The following JAKMIP2 variants were observed in gnomAD, a reference collection of about 807,000 sequenced individuals.
JAKMIP2 encodes the protein janus kinase and microtubule interacting protein 2.
A neutral mutation model predicts 115.0 loss-of-function variants in JAKMIP2; 25 were observed. That is an observed-to-expected ratio of 0.22 (90% confidence interval 0.16 to 0.30). The LOEUF (loss-of-function observed/expected upper bound fraction) is 0.30, where lower values mean the gene tolerates loss of function less well. JAKMIP2 is among the 10% of genes least tolerant of loss of function. JAKMIP2 has a pLI of 1.00. For missense variants in JAKMIP2, 642 were observed against 957.6 expected (o/e 0.67, Z 4.35); for synonymous variants, 334 against 343.6 (o/e 0.97, Z 0.31).
At chr5:147,682,184 G>A (rs919380601) in intron 1 of JAKMIP2, among the ~76,000 whole-genome samples, 2 of 152,152 alleles carry the variant, frequency 1.3e-5, no homozygotes, top group Admixed American at 6.5e-5. Context: ...AAGACCTAGA[G>A]GTAAAAGAGA....
At chr5:147,688,392 T>A (rs1300112278) in intron 1 of JAKMIP2, among the ~76,000 whole-genome samples, 1 of 152,222 alleles carries the variant, frequency 6.6e-6, no homozygotes, top group Non-Finnish European at 1.5e-5. Flanking sequence ...ACAACATAGC[T>A]ATTGCATTGT....
chr5:147,679,249 G>A (rs1760135211), intron 1 of JAKMIP2, among the ~76,000 whole-genome samples: 1 of 152,062 alleles, frequency 6.6e-6, no homozygotes, highest in Admixed American at 6.6e-5. Flanking sequence ...CCAAAGTCCT[G>A]GAATTACAGG....
intron 1 of JAKMIP2, among the ~76,000 whole-genome samples, chr5:147,737,459 G>A (rs1435221174): frequency 7.2e-5 from 11 of 152,152 alleles, no homozygotes; most frequent in Admixed American, 6.5e-4. Context: ...GGTTGGAAAT[G>A]TTACACTGAG....
At chr5:147,645,615 T>G (rs1360413023) in intron 5 of JAKMIP2, among the ~76,000 whole-genome samples, 4 of 152,194 alleles carry the variant, frequency 2.6e-5, no homozygotes, top group East Asian at 1.9e-4. Context: ...ATGATTGTAT[T>G]GTTATCCACC....
intron 1 of JAKMIP2, among the ~76,000 whole-genome samples, chr5:147,773,934 C>A (rs1271665835): frequency 6.6e-6 from 1 of 152,084 alleles, no homozygotes; most frequent in African/African-American, 2.4e-5. Context: ...GCATTCCTTT[C>A]TACTTCATTT....
rs751197088 is a variant in JAKMIP2, at chr5:147,639,649, C to A, written c.1513G>T (p.Ala505Ser). Residue 505 changes from alanine to serine, a missense_variant, in exon 10 of 22, where the codon GCT (alanine) becomes TCT (serine). By Grantham distance (99) the Ala-to-Ser change is moderately conservative (BLOSUM62 1). Coordinates refer to ENST00000616793, the MANE Select transcript of JAKMIP2 (RefSeq NM_001270941.2). ...ACACTAACCTTGGCTTCTCGTTCAG[C>A]GTCGATGATGCCTCCCGTCTGCTCC... The part of the protein sequence containing the change: ...LQEQTGGIID[A>S]EREAKAQEQL... 4 of 1,613,024 alleles carry A rather than the reference C, an allele frequency of 2.5e-6. No homozygotes were observed. The highest frequency in any genetic ancestry group is 3.4e-6 in the Non-Finnish European group (4 of 1,179,552).
chr5:147,776,648 C>T (rs1345848389), intron 1 of JAKMIP2, among the ~76,000 whole-genome samples: 3 of 152,196 alleles, frequency 2.0e-5, no homozygotes, highest in Non-Finnish European at 4.4e-5. Flanking sequence ...ACAGGACAGG[C>T]TGGGCATGGT....
chr5:147,756,825 A>G (rs1754761387), intron 1 of JAKMIP2, among the ~76,000 whole-genome samples: 1 of 152,154 alleles, frequency 6.6e-6, no homozygotes, highest in Non-Finnish European at 1.5e-5. Flanking sequence ...AGAGAACAAA[A>G]CAGCAGAAGT....
intron 1 of JAKMIP2, among the ~76,000 whole-genome samples, chr5:147,689,427 TA>T (rs1336736111): frequency 6.6e-6 from 1 of 152,166 alleles, no homozygotes; most frequent in Non-Finnish European, 1.5e-5. Flanking sequence ...AGGGTGGAAT[TA>T]AGCGGACTGG....
At chr5:147,702,490 A>G (rs1740223533) in intron 1 of JAKMIP2, among the ~76,000 whole-genome samples, 2 of 146,776 alleles carry the variant, frequency 1.4e-5, no homozygotes. Context: ...AAGAGAAAAG[A>G]GGAAAGGAAA....
intron 19 of JAKMIP2, among the ~76,000 whole-genome samples, chr5:147,614,975 C>T (rs764349903): frequency 2.0e-5 from 3 of 152,190 alleles, no homozygotes; most frequent in Non-Finnish European, 4.4e-5. Flanking sequence ...ACCAGCCAAC[C>T]TAAAGTGGCC....
chr5:147,749,371 A>G (rs1312721400), intron 1 of JAKMIP2, among the ~76,000 whole-genome samples: 1 of 152,194 alleles, frequency 6.6e-6, no homozygotes, highest in Admixed American at 6.5e-5. Context: ...TCCTTATTTT[A>G]TAGAGGAAGA....
chr5:147,668,807 C>T (rs534581178), intron 2 of JAKMIP2, among the ~76,000 whole-genome samples: 13 of 152,358 alleles, frequency 8.5e-5, no homozygotes, highest in African/African-American at 2.4e-4. Flanking sequence ...TTATAACCTT[C>T]TCCAGGCCAG....
intron 10 of JAKMIP2, among the ~76,000 whole-genome samples, chr5:147,637,566 A>G (rs1358720625): frequency 6.6e-6 from 1 of 151,098 alleles, no homozygotes; most frequent in Non-Finnish European, 1.5e-5. Flanking sequence ...CAGCCTCCCA[A>G]ATAGCTTGGA....
At chr5:147,751,256 G>GTGT (rs1554084997) in intron 1 of JAKMIP2, among the ~76,000 whole-genome samples, 1 of 131,600 alleles carries the variant, frequency 7.6e-6, no homozygotes, top group African/African-American at 2.8e-5. Context: ...TTTTGTTGTT[G>GTGT]TTTTTTTTTT....
chr5:147,769,992 A>G (rs1408665890), intron 1 of JAKMIP2, among the ~76,000 whole-genome samples: 1 of 152,184 alleles, frequency 6.6e-6, no homozygotes, highest in Non-Finnish European at 1.5e-5. Flanking sequence ...AAAATTTCTC[A>G]TAAACTTACC....
In JAKMIP2 at chr5:147,589,064, C is replaced by G. The variant is rs1014268424; in HGVS notation, c.*2643G>C. 4 of 151,818 alleles carry G rather than the reference C, an allele frequency of 2.6e-5. No homozygotes were observed. The highest frequency in any genetic ancestry group is 9.7e-5 in the African/African-American group (4 of 41,302). The allele number at this position is 151,818 out of a possible 1,614,324, so 9.4% of individuals were successfully genotyped here. A position where few individuals can be genotyped will look rare whatever the true frequency, so the allele number is the denominator to read the frequency against. Reference sequence around the variant, plus strand: ...ACTCAAGTTGGCTAGTGTTGGGTCACCAACACTGTAGAGGCACCCTCTTTC... The same window carrying G: ...ACTCAAGTTGGCTAGTGTTGGGTCAGCAACACTGTAGAGGCACCCTCTTTC... On this transcript the variant is annotated 3_prime_UTR_variant, in exon 22 of 22. Coordinates refer to ENST00000616793, the MANE Select transcript of JAKMIP2 (RefSeq NM_001270941.2).
intron 9 of JAKMIP2, among the ~76,000 whole-genome samples, chr5:147,640,451 A>G: frequency 6.6e-6 from 1 of 152,326 alleles, no homozygotes; most frequent in East Asian, 1.9e-4. Flanking sequence ...AATATTGGAA[A>G]GTAACTTTTA....
chr5:147,780,903 C>A (rs1227236818), intron 1 of JAKMIP2, among the ~76,000 whole-genome samples: 1 of 152,120 alleles, frequency 6.6e-6, no homozygotes, highest in African/African-American at 2.4e-5. Flanking sequence ...ACTATAATAG[C>A]CCATGTGGTA....
Sources: gnomAD v4.1 joint callset for allele counts (sites outside exome capture counted in the v4.1 genomes callset) on GRCh38, gnomAD v4.1.1 for gene constraint, MANE v1.5 for transcripts, NCBI Gene and HGNC (gene_info 2026-07-23, HGNC 2026-07-21) for gene names.